Variants in DOCK4 observed in about 807,000 individuals in gnomAD.
DOCK4 encodes dedicator of cytokinesis 4.
DOCK4 carries 97 observed loss-of-function variants against 268.1 expected under a neutral mutation model. The observed-to-expected ratio is 0.36, with a 90% CI of 0.31 to 0.43. The LOEUF (loss-of-function observed/expected upper bound fraction) is 0.43, where lower values mean the gene tolerates loss of function less well. DOCK4 is among the 20% of genes least tolerant of loss of function. The pLI is 1.00. For synonymous variants in DOCK4, 954 were observed against 887.2 expected, an observed-to-expected ratio of 1.08 and a Z score of -1.34; for missense variants, 2,145 against 2,455.7, an observed-to-expected ratio of 0.87 and a Z score of 2.67.
At chr7:112,171,269 A>G in intron 1 of DOCK4, among the ~76,000 whole-genome samples, 1 of 152,250 alleles carries the variant, frequency 6.6e-6, no homozygotes. Flanking sequence ...CCATAAAGAA[A>G]TAACTAATGA....
At chr7:112,155,554 G>GT (rs1255219708) in intron 1 of DOCK4, among the ~76,000 whole-genome samples, 3 of 152,196 alleles carry the variant, frequency 2.0e-5, no homozygotes, top group African/African-American at 7.2e-5. Context: ...TCAAAGAAAT[G>GT]TTTTTGGGTA....
chr7:111,887,166 G>T (rs185686420), intron 16 of DOCK4, among the ~76,000 whole-genome samples: 21 of 152,284 alleles, frequency 1.4e-4, no homozygotes, highest in African/African-American at 4.3e-4. Flanking sequence ...AGACATGGTG[G>T]GTAAATGTGA....
intron 44 of DOCK4, among the ~76,000 whole-genome samples, chr7:111,742,399 T>G (rs1795976812): frequency 6.6e-6 from 1 of 152,120 alleles, no homozygotes; most frequent in Admixed American, 6.5e-5. Flanking sequence ...TTCCCATGTA[T>G]TTTAGATCTA....
intron 8 of DOCK4, among the ~76,000 whole-genome samples, chr7:111,972,893 C>T (rs990832269): frequency 6.6e-6 from 1 of 151,536 alleles, no homozygotes; most frequent in Non-Finnish European, 1.5e-5. Flanking sequence ...CACCCATCAC[C>T]TGAGCAGTGT....
chr7:111,775,785 C>T (rs1307825653), intron 36 of DOCK4, among the ~76,000 whole-genome samples: 2 of 152,094 alleles, frequency 1.3e-5, no homozygotes, highest in African/African-American at 4.8e-5. Flanking sequence ...GGCAATAGTG[C>T]CTTCTATCAG....
Position 111,933,298 on chromosome 7 carries a change from AT to A in DOCK4, c.1066+2241del, listed in dbSNP as rs376735342. On this transcript the variant is annotated intron_variant, in intron 12 of 52. Coordinates refer to ENST00000428084, the MANE Select transcript of DOCK4 (RefSeq NM_001363540.2). ...TATATACATATATATATATATATAT[AT>A]TTTTTTTTTTTTTTGAGATGGAGTC... is the stretch of plus-strand genomic sequence containing the variant. 3.4e-3 allele frequency among the ~76,000 whole-genome samples: 257 copies of A among 74,826 alleles called. 13 individuals are homozygous for A. The highest frequency in any genetic ancestry group is 0.019 in the South Asian group (49 of 2,628). 49.1% of individuals were successfully genotyped at this position (74,826 alleles called of 152,430 possible). A position where few individuals can be genotyped will look rare whatever the true frequency, so the allele number is the denominator to read the frequency against.
At chr7:111,771,330 C>A (rs759532995) in intron 36 of DOCK4, among the ~76,000 whole-genome samples, 7 of 152,200 alleles carry the variant, frequency 4.6e-5, no homozygotes, top group Non-Finnish European at 8.8e-5. Flanking sequence ...ACCCCATTAT[C>A]CACTTTCCAG....
rs573626290 is a variant in DOCK4 at position 111,741,809 on chromosome 7, C to G, written c.4798-148G>C. 28 of 1,298,178 alleles carry G rather than the reference C, an allele frequency of 2.2e-5. No homozygotes were observed. In the South Asian group the frequency reaches 4.0e-4, roughly 19 times the overall value. The allele number at this position is 1,298,178 out of a possible 1,614,324, so 80.4% of individuals were successfully genotyped here. Reference sequence around the variant, plus strand: ...TAAAGCAAGTTCCAGTATTATTTGGCTTTCCCTCACTTACATTTGTGTTTT... The same window carrying G: ...TAAAGCAAGTTCCAGTATTATTTGGGTTTCCCTCACTTACATTTGTGTTTT... On this transcript the variant is annotated intron_variant, in intron 45 of 52. Coordinates refer to ENST00000428084, the MANE Select transcript of DOCK4 (RefSeq NM_001363540.2).
chr7:112,171,896 C>T (rs1190308708), intron 1 of DOCK4, among the ~76,000 whole-genome samples: 1 of 152,182 alleles, frequency 6.6e-6, no homozygotes. Flanking sequence ...TCCTCTGAGG[C>T]TTCTTGCCTT....
rs145029271 is a variant in DOCK4, at chr7:112,114,881, G to A, written c.37+91221C>T. On this transcript the variant is annotated intron_variant, in intron 1 of 52. Coordinates refer to ENST00000428084, the MANE Select transcript of DOCK4 (RefSeq NM_001363540.2). ...AACATCAAATCCAAAGTAAAAAGGC[G>A]GACAACATCTTACAATTATCATGAA... 2.1e-3 allele frequency among the ~76,000 whole-genome samples: 322 copies of A among 152,190 alleles called. 1 individual carries two copies. The highest frequency in any genetic ancestry group is 7.0e-3 in the African/African-American group (289 of 41,520).
At chr7:111,767,416 G>A (rs1335600456) in intron 37 of DOCK4, among the ~76,000 whole-genome samples, 1 of 151,712 alleles carries the variant, frequency 6.6e-6, no homozygotes, top group Admixed American at 6.6e-5. Flanking sequence ...TAGTAGAGAT[G>A]GGGTTTCACC....
In DOCK4 at chr7:112,082,388, A is replaced by C. The variant is rs1262277082; in HGVS notation, c.38-78257T>G. Among the ~76,000 whole-genome samples the C allele has an allele frequency of 2.6e-5, 4 of 152,126 alleles. No homozygotes were observed. In the East Asian group the frequency reaches 7.7e-4, roughly 29 times the overall value. ...GTAGGAAGTTGGTAATTTCACAGGA[A>C]AGCCAGAGAAAAAAAGGAAGAATGG... On this transcript the variant is annotated intron_variant, in intron 1 of 52. Transcript: ENST00000428084.
chr7:111,728,741 CG>C (rs769602858), intron 52 of DOCK4, 21 bp from the exon 53 acceptor site: 1 of 1,583,858 alleles, frequency 6.3e-7, no homozygotes, highest in South Asian at 1.1e-5. Flanking sequence ...GAGAAGGAAA[CG>C]AGAGGGAGAC....
At chr7:111,740,861 G>A (rs1295226270) in intron 47 of DOCK4, among the ~76,000 whole-genome samples, 3 of 151,174 alleles carry the variant, frequency 2.0e-5, no homozygotes, top group Non-Finnish European at 4.4e-5. Flanking sequence ...TGTGCAGCGT[G>A]CCTAGGCTTT....
chr7:112,066,451 A>G (rs973230608), intron 1 of DOCK4, among the ~76,000 whole-genome samples: 8 of 148,578 alleles, frequency 5.4e-5, no homozygotes, highest in Non-Finnish European at 1.2e-4. Flanking sequence ...GCATAAGCCA[A>G]TTGCCCTAAT....
At chr7:111,993,805 C>G (rs1340498500) in intron 5 of DOCK4, among the ~76,000 whole-genome samples, 3 of 151,958 alleles carry the variant, frequency 2.0e-5, no homozygotes, top group African/African-American at 7.3e-5. Flanking sequence ...TGATAAAATA[C>G]CAAAGCCACC....
At chr7:112,066,558 GTATA>G (rs1563051304) in intron 1 of DOCK4, among the ~76,000 whole-genome samples, 1 of 109,076 alleles carries the variant, frequency 9.2e-6, no homozygotes, top group Non-Finnish European at 1.7e-5. Flanking sequence ...ACATATATAC[GTATA>G]TATACACGTG....
intron 26 of DOCK4, among the ~76,000 whole-genome samples, chr7:111,825,474 C>T (rs1405583625): frequency 6.7e-6 from 1 of 148,948 alleles, no homozygotes; most frequent in African/African-American, 2.4e-5. Context: ...TGTGTTTTTG[C>T]ATAGATAGAT....
chr7:111,847,238 T>A, intron 23 of DOCK4, 112 bp from the exon 24 acceptor site: 1 of 1,326,660 alleles, frequency 7.5e-7, no homozygotes, highest in Non-Finnish European at 1.0e-6. Context: ...TTAACACATG[T>A]AGTTACAAAG....
Sources: gnomAD v4.1 joint callset for allele counts (sites outside exome capture counted in the v4.1 genomes callset) on GRCh38, gnomAD v4.1.1 for gene constraint, MANE v1.5 for transcripts, NCBI Gene and HGNC (gene_info 2026-07-23, HGNC 2026-07-21) for gene names.